The following HERC1 variants were observed in gnomAD, a reference collection of about 807,000 sequenced individuals.
HERC1 encodes HECT and RLD domain containing E3 ubiquitin protein ligase family member 1, also known as probable E3 ubiquitin-protein ligase HERC1.
A neutral mutation model predicts 554.3 loss-of-function variants in HERC1; 160 were observed. The observed-to-expected ratio is 0.29, with a 90% confidence interval of 0.25 to 0.33. HERC1 has a LOEUF of 0.33. HERC1 is among the 10% of genes least tolerant of loss of function. HERC1 has a pLI of 1.00. For synonymous variants in HERC1, 2,175 were observed against 2,131.7 expected, an observed-to-expected ratio of 1.02 and a Z score of -0.56; for missense variants, 4,919 against 5,918.5, an observed-to-expected ratio of 0.83 and a Z score of 5.54.
chr15:63,643,319 T>C, intron 58 of HERC1, 85 bp downstream of exon 58: 1 of 1,205,134 alleles, frequency 8.3e-7, no homozygotes, highest in East Asian at 2.5e-5. Context: ...TATAAAATGT[T>C]TCTACAATTG....
intron 53 of HERC1, among the ~76,000 whole-genome samples, chr15:63,650,315 A>G (rs1215617256): frequency 6.6e-6 from 1 of 152,170 alleles, no homozygotes; most frequent in African/African-American, 2.4e-5. Context: ...TGGAGGCTGC[A>G]GTGAGCCGAG....
intron 74 of HERC1, among the ~76,000 whole-genome samples, chr15:63,619,002 G>A (rs1219580579): frequency 2.6e-5 from 4 of 152,078 alleles, no homozygotes; most frequent in African/African-American, 2.4e-5. Flanking sequence ...TCTCCTGCCT[G>A]ATTGCCCTGG....
intron 74 of HERC1, among the ~76,000 whole-genome samples, chr15:63,621,991 G>A (rs1291626410): frequency 2.6e-5 from 4 of 151,798 alleles, no homozygotes; most frequent in African/African-American, 4.8e-5. Flanking sequence ...CTCTCAACTC[G>A]TCAAAGTCAT....
In HERC1 at chr15:63,749,900, C is replaced by G; in HGVS notation, c.1903-109G>C. ...TAAAGTGTGGTTTGATAGTAAATAA[C>G]TTTCTGATGTTAAAATCATTTTGAT... On this transcript the variant is annotated intron_variant, in intron 8 of 77. Coordinates refer to ENST00000443617, the MANE Select transcript of HERC1 (RefSeq NM_003922.4). This position sits in a 1 kb window ranked among gnomAD's most constrained non-coding sequence, Gnocchi z 4.1. 1 of 877,352 alleles carries G rather than the reference C, an allele frequency of 1.1e-6. No individual in the cohort carries two copies. The highest frequency in any genetic ancestry group is 1.6e-6 in the Non-Finnish European group (1 of 606,066). The allele number at this position is 877,352 out of a possible 1,614,324, so 54.3% of individuals were successfully genotyped here.
rs988821154 is a variant in HERC1, at chr15:63,749,381, A to G, written c.2205T>C (p.Ala735=). ...AGTSHSLAWT[A]LPRDRQVVAW... is the part of the protein sequence containing the mutation. ...GGCACTCTTACCTGTCCCTAGGAAG[A>G]GCAGTCCATGCCAGACTATGTGATG... The change falls in exon 10 of 78, where the codon GCT becomes GCC. Residue 735 remains alanine (A), a synonymous_variant. Transcript: ENST00000443617. This position sits in a 1 kb window ranked among gnomAD's most constrained non-coding sequence, Gnocchi z 4.1. 1.2e-6 allele frequency: 2 copies of G among 1,607,590 alleles called. No individual in the cohort carries two copies. The highest frequency in any genetic ancestry group is 1.7e-5 in the Admixed American group (1 of 58,400).
rs2075179520 is a variant in HERC1 at position 63,749,945 on chromosome 15, G to C, written c.1903-154C>G. 6.6e-6 allele frequency among the ~76,000 whole-genome samples: 1 copy of C among 152,214 alleles called. No homozygotes were observed. The highest frequency in any genetic ancestry group is 2.4e-5 in the African/African-American group (1 of 41,450). On this transcript the variant is annotated intron_variant, in intron 8 of 77. Transcript: ENST00000443617. This position sits in a 1 kb window ranked among gnomAD's most constrained non-coding sequence, Gnocchi z 4.1. ...TTTGATCATTTTAAAGATTGTTACA[G>C]CGATTTATCATGCTGCCTTTAGGCA... is the stretch of plus-strand genomic sequence containing the variant.
At position 63,753,379 on chromosome 15, in the gene HERC1, C is replaced by T. The variant is rs563059941; in HGVS notation, c.1775-294G>A. ...TTCTGTCTTTCTCCCCCTTTAATGG[C>T]TATATTTCTAACTTCAAATTTGCTG... On this transcript the variant is annotated intron_variant, in intron 7 of 77. Transcript: ENST00000443617. Among the ~76,000 whole-genome samples, 11 of 152,214 alleles carry T rather than the reference C, an allele frequency of 7.2e-5. No individual in the cohort carries two copies. In the East Asian group the frequency reaches 1.9e-3, roughly 27 times the overall value.
intron 24 of HERC1, among the ~76,000 whole-genome samples, 196 bp downstream of exon 24, chr15:63,712,576 AAAG>A (rs1366682852): frequency 6.6e-6 from 1 of 152,266 alleles, no homozygotes; most frequent in African/African-American, 2.4e-5. Flanking sequence ...TAGAGTTTAA[AAAG>A]AAGTCAGAAC....
At chr15:63,833,547 G>A (rs563710227) in intron 1 of HERC1, among the ~76,000 whole-genome samples, 34 of 151,984 alleles carry the variant, frequency 2.2e-4, no homozygotes, top group African/African-American at 8.2e-4. Context: ...GGCCCTCTCC[G>A]CGGGCGCCTC....
intron 50 of HERC1, among the ~76,000 whole-genome samples, chr15:63,655,211 G>A (rs1398426728): frequency 1.3e-5 from 2 of 151,342 alleles, no homozygotes; most frequent in African/African-American, 2.4e-5. Context: ...AAAATTAGCC[G>A]GGCATGGTGG....
chr15:63,773,697 C>T lies in HERC1; in HGVS notation c.930+997G>A, dbSNP rs1377303995. On this transcript the variant is annotated intron_variant, in intron 2 of 77. Coordinates refer to ENST00000443617, the MANE Select transcript of HERC1 (RefSeq NM_003922.4). Reference sequence around the variant, plus strand: ...TAGCTAGGATTACAGGTGCGCACCACCACACCCGGATAATTTTTGTATTTT... The same window carrying T: ...TAGCTAGGATTACAGGTGCGCACCATCACACCCGGATAATTTTTGTATTTT... Among the ~76,000 whole-genome samples, 6 of 151,780 alleles carry T rather than the reference C, an allele frequency of 4.0e-5. No individual in the cohort carries two copies. In the East Asian group the frequency reaches 9.8e-4, roughly 25 times the overall value.
intron 3 of HERC1, among the ~76,000 whole-genome samples, chr15:63,763,318 A>G (rs1340024436): frequency 1.3e-5 from 2 of 152,244 alleles, no homozygotes; most frequent in African/African-American, 4.8e-5. Context: ...AAAGAGAGAC[A>G]ACCAGATAGA....
At chr15:63,632,406 A>C (rs570426434) in intron 68 of HERC1, 30 of 412,798 alleles carry the variant, frequency 7.3e-5, no homozygotes, top group South Asian at 6.5e-4. Flanking sequence ...TCTGATGGTC[A>C]AGGCAGTATT....
intron 75 of HERC1, 124 bp from the exon 76 acceptor site, chr15:63,616,044 A>G (rs2067801326): frequency 2.4e-6 from 2 of 819,316 alleles, no homozygotes; most frequent in African/African-American, 3.5e-5. Flanking sequence ...CAAGGAACAC[A>G]AAACAGGTAG....
At position 63,810,013 on chromosome 15, in the gene HERC1, TA is replaced by T. The variant is rs545645424; in HGVS notation, c.-27+23813del. Among the ~76,000 whole-genome samples the T allele has an allele frequency of 2.5e-3, 385 of 152,232 alleles. 2 individuals are homozygous for T. Among genetic ancestry groups the T allele is most frequent in the Middle Eastern group, 0.01 (3 of 294 alleles). On this transcript the variant is annotated intron_variant, in intron 1 of 77. Coordinates refer to ENST00000443617, the MANE Select transcript of HERC1 (RefSeq NM_003922.4). The stretch of plus-strand genomic sequence containing the variant: ...TAAAGTCCACAAATAATAAACTGGT[TA>T]AATAAATTATACACATATACTAGAA...
intron 51 of HERC1, 33 bp downstream of exon 51, chr15:63,654,086 G>A (rs773440109): frequency 6.6e-6 from 10 of 1,516,816 alleles, no homozygotes; most frequent in South Asian, 2.2e-5. Flanking sequence ...CTTACATAAC[G>A]TGATTAACAC....
chr15:63,693,951 A>T lies in HERC1; in HGVS notation c.5674+13T>A. The T allele has an allele frequency of 6.5e-7, 1 of 1,547,270 alleles. No homozygotes were observed. Among genetic ancestry groups the T allele is most frequent in the South Asian group, 1.2e-5 (1 of 83,284 alleles). On this transcript the variant is annotated intron_variant, in intron 30 of 77. Transcript: ENST00000443617. Reference sequence around the variant, plus strand: ...TGCTTGTAAGTAAAGACAGAGAAAGAGGCTTACATTACCTCTGAAATCTTT... The same window carrying T: ...TGCTTGTAAGTAAAGACAGAGAAAGTGGCTTACATTACCTCTGAAATCTTT...
In HERC1 at chr15:63,692,600, A is replaced by C; in HGVS notation, c.5675-34T>G. ...AAGAGACAAGTTTACGTTACAACCA[A>C]GAGCCAACAAGAAATAGTCTTATAT... On this transcript the variant is annotated intron_variant, in intron 30 of 77. Transcript: ENST00000443617. This position sits in a 1 kb window ranked among gnomAD's most constrained non-coding sequence, Gnocchi z 4.7. 6.5e-7 allele frequency: 1 copy of C among 1,543,830 alleles called. No individual in the cohort carries two copies. Among genetic ancestry groups the C allele is most frequent in the Non-Finnish European group, 8.7e-7 (1 of 1,146,848 alleles).
At chr15:63,700,035 A>G (rs1329222711) in intron 25 of HERC1, among the ~76,000 whole-genome samples, 1 of 152,074 alleles carries the variant, frequency 6.6e-6, no homozygotes, top group East Asian at 1.9e-4. Context: ...ACTTCTATCT[A>G]TTTGCTCCTC....
Sources: gnomAD v4.1 joint callset for allele counts (sites outside exome capture counted in the v4.1 genomes callset) on GRCh38, gnomAD v4.1.1 for gene constraint, Gnocchi (gnomAD v3.1) non-coding constraint, MANE v1.5 for transcripts, NCBI Gene and HGNC (gene_info 2026-07-23, HGNC 2026-07-21) for gene names.